COL13A1: variants seen among roughly 807,000 people sequenced by gnomAD.
COL13A1 encodes the protein collagen type XIII alpha 1 chain, also known as collagen alpha-1(XIII) chain.
COL13A1 carries 89 observed loss-of-function variants against 130.9 expected under a neutral mutation model. That is an observed-to-expected ratio of 0.68 (90% confidence interval 0.57 to 0.81). The LOEUF is 0.81. Ranked by LOEUF, COL13A1 falls within the 30% of genes least tolerant of loss-of-function variation. The probability of loss-of-function intolerance (pLI) is 0.00; values close to 1 mark genes in which losing one functional copy is unlikely to be tolerated. For synonymous variants in COL13A1, 402 were observed against 341.6 expected (o/e 1.18, Z -1.95); for missense variants, 879 against 934.6 (o/e 0.94, Z 0.78).
In COL13A1 at chr10:69,894,839, T is replaced by C. The variant is rs558049403; in HGVS notation, c.657+138T>C. ...GGAAAGCCCCCGAGGTGCCGCATAA[T>C]AGATTCGGTTGACACCGCTCCAGGG... On this transcript the variant is annotated intron_variant, in intron 12 of 40. Transcript: ENST00000645393. 7 of 1,165,852 alleles carry C rather than the reference T, an allele frequency of 6.0e-6. No individual in the cohort carries two copies. The South Asian group carries it at 9.4e-5, about 16-fold the overall frequency. The allele number at this position is 1,165,852 out of a possible 1,614,324, so 72.2% of individuals were successfully genotyped here.
chr10:69,899,260 CAG>C (rs146068464), intron 14 of COL13A1, among the ~76,000 whole-genome samples: 2,129 of 152,280 alleles, frequency 0.014, 52 homozygotes, highest in African/African-American at 0.048. Context: ...AGGATAATAA[CAG>C]TGTCTATTTC....
intron 36 of COL13A1, among the ~76,000 whole-genome samples, chr10:69,945,429 G>T (rs2068352140): frequency 1.3e-5 from 2 of 152,206 alleles, no homozygotes; most frequent in East Asian, 1.9e-4. Flanking sequence ...GGACACCACG[G>T]GTCATTCTGG....
intron 36 of COL13A1, 68 bp downstream of exon 36, chr10:69,944,246 G>T: frequency 7.5e-7 from 1 of 1,334,746 alleles, no homozygotes; most frequent in East Asian, 2.3e-5. Flanking sequence ...CCAACACCAG[G>T]GGTCTCAGCC....
intron 34 of COL13A1, among the ~76,000 whole-genome samples, chr10:69,938,768 G>A (rs774654179): frequency 3.8e-4 from 58 of 152,284 alleles, no homozygotes; most frequent in Non-Finnish European, 7.1e-4. Flanking sequence ...GAATGCATTC[G>A]AGGTAGGAAT....
chr10:69,936,732 C>T (rs2066971216), intron 32 of COL13A1, 24 bp from the exon 33 acceptor site: 4 of 1,613,762 alleles, frequency 2.5e-6, no homozygotes, highest in Admixed American at 1.7e-5. Flanking sequence ...AGTTCTAATG[C>T]ACCTTGCTTT....
intron 1 of COL13A1, among the ~76,000 whole-genome samples, chr10:69,814,688 T>C (rs1208360836): frequency 6.6e-6 from 1 of 151,464 alleles, no homozygotes; most frequent in East Asian, 1.9e-4. Flanking sequence ...AGTAGGAGAG[T>C]TGGGACTAGA....
chr10:69,878,551 G>C (rs752331396), intron 6 of COL13A1, among the ~76,000 whole-genome samples: 1 of 151,910 alleles, frequency 6.6e-6, no homozygotes, highest in Non-Finnish European at 1.5e-5. Flanking sequence ...GCGAGATCTC[G>C]GCTCACTGCA....
intron 5 of COL13A1, among the ~76,000 whole-genome samples, chr10:69,877,115 G>A (rs1308798700): frequency 6.6e-6 from 1 of 152,216 alleles, no homozygotes; most frequent in Non-Finnish European, 1.5e-5. Flanking sequence ...ATGAGACAAT[G>A]GGCCCATTTG....
Position 69,935,353 on chromosome 10 carries a change from C to T in COL13A1, c.1732C>T (p.Pro578Ser). The change falls in exon 32 of 41, where the codon CCT becomes TCT. Residue 578 changes from proline to serine, a missense_variant. This residue lies in a region of COL13A1 where 96 missense variants were observed against 147.7 expected (regional missense o/e 0.65). Coordinates refer to ENST00000645393, the MANE Select transcript of COL13A1 (RefSeq NM_001368882.1). ...AGGGCTCCCCTTTGGCTTTTAGGTT[C>T]CTGGGCTGCCAGGGCCAGAGGGGCC... ...GEKGNPGAEVPGLPGPEGPPG... is the reference protein window; with the variant it reads ...GEKGNPGAEVSGLPGPEGPPG... 6.3e-7 allele frequency: 1 copy of T among 1,579,812 alleles called. No homozygotes were observed.
chr10:69,944,681 A>G (rs945308077), intron 36 of COL13A1, among the ~76,000 whole-genome samples: 1 of 151,184 alleles, frequency 6.6e-6, no homozygotes, highest in African/African-American at 2.4e-5. Context: ...AATGAAAAAG[A>G]AAAAGAAAGA....
At chr10:69,821,870 T>A (rs986978680) in intron 1 of COL13A1, among the ~76,000 whole-genome samples, 1 of 151,960 alleles carries the variant, frequency 6.6e-6, no homozygotes, top group African/African-American at 2.4e-5. Context: ...TGAAGGGAAG[T>A]GAGGAAGATA....
chr10:69,821,690 G>GTGCAGTGTAAGCCTGCAGAGT (rs1470215849), intron 1 of COL13A1, among the ~76,000 whole-genome samples: 5 of 152,180 alleles, frequency 3.3e-5, no homozygotes, highest in Non-Finnish European at 5.9e-5. Flanking sequence ...ACATTGCCCT[G>GTGCAGTGTAAGCCTGCAGAGT]TGCAGTGTAA....
chr10:69,921,600 T>G (rs2064682625), intron 21 of COL13A1, among the ~76,000 whole-genome samples: 1 of 152,248 alleles, frequency 6.6e-6, no homozygotes, highest in African/African-American at 2.4e-5. Context: ...TGTTATGATC[T>G]GTGGCCAGTG....
intron 25 of COL13A1, 21 bp downstream of exon 25, chr10:69,925,028 G>GGAGA: frequency 6.5e-7 from 1 of 1,547,914 alleles, no homozygotes; most frequent in Non-Finnish European, 8.7e-7. Flanking sequence ...CTCCCTCCTG[G>GGAGA]AGTCACAGCG....
At chr10:69,841,727 G>A (rs1589379326) in intron 2 of COL13A1, among the ~76,000 whole-genome samples, 2 of 152,124 alleles carry the variant, frequency 1.3e-5, no homozygotes, top group African/African-American at 4.8e-5. Flanking sequence ...ATCCTCAAGC[G>A]TCCTTGAGCA....
In COL13A1 at chr10:69,878,213, G is replaced by A. The variant is rs561246128; in HGVS notation, c.462+148G>A. ...TGCCCTCACTGCCTCTCACGGCCCC[G>A]TTTCCTAACAGCTTCCATAACATCG... On this transcript the variant is annotated intron_variant, in intron 6 of 40. Transcript: ENST00000645393. The A allele has an allele frequency of 3.2e-4, 199 of 626,728 alleles. 2 individuals are homozygous for A. Among genetic ancestry groups the A allele is most frequent in the Middle Eastern group, 3.9e-4 (1 of 2,584 alleles). The allele number at this position is 626,728 out of a possible 1,614,324, so 38.8% of individuals were successfully genotyped here.
chr10:69,859,244 G>A (rs2395284), intron 2 of COL13A1, among the ~76,000 whole-genome samples: 2 of 150,686 alleles, frequency 1.3e-5, no homozygotes, highest in Admixed American at 6.6e-5. Context: ...GTAATTGCGG[G>A]TTTTGCCATT....
chr10:69,924,641 CA>C (rs2065110447), intron 24 of COL13A1, among the ~76,000 whole-genome samples: 1 of 152,112 alleles, frequency 6.6e-6, no homozygotes. Flanking sequence ...TAAAGAGAAG[CA>C]AACGTCCCTG....
At chr10:69,958,287 A>G (rs1286361851) in intron 40 of COL13A1, among the ~76,000 whole-genome samples, 1 of 152,152 alleles carries the variant, frequency 6.6e-6, no homozygotes, top group African/African-American at 2.4e-5. Context: ...GTTGCTGCCA[A>G]TGGTTAGGAG....
Sources: allele counts gnomAD v4.1 joint callset (sites outside exome capture counted in the v4.1 genomes callset), GRCh38; gene constraint gnomAD v4.1.1; regional missense constraint gnomAD v4.1.1; transcripts MANE v1.5; gene names NCBI Gene and HGNC (gene_info 2026-07-23, HGNC 2026-07-21).